MYOZ2: variants seen among roughly 807,000 people sequenced by gnomAD.
MYOZ2 encodes the protein myozenin-2.
In MYOZ2, 19 loss-of-function variants were observed where a neutral mutation model predicts 25.4. That is an observed-to-expected ratio of 0.75 (90% CI 0.52 to 1.10). The LOEUF (loss-of-function observed/expected upper bound fraction) is 1.10, where lower values mean the gene tolerates loss of function less well. Among genes scored for constraint, MYOZ2 ranks in the 50% least tolerant of loss-of-function variants. MYOZ2 has a pLI of 0.00. For synonymous variants in MYOZ2, 92 were observed against 106.9 expected (o/e 0.86, Z 0.86); for missense variants, 270 against 317.9 (o/e 0.85, Z 1.15).
intron 5 of MYOZ2, among the ~76,000 whole-genome samples, chr4:119,178,633 G>A (rs1292010164): frequency 6.6e-6 from 1 of 152,048 alleles, no homozygotes; most frequent in Non-Finnish European, 1.5e-5. Flanking sequence ...TTGAGTTGGA[G>A]TCTCGCTCTG....
rs9307469 is a variant in MYOZ2 at position 119,162,318 on chromosome 4, G to C, written c.377-1893G>C. Among the ~76,000 whole-genome samples the C allele has an allele frequency of 3.7e-3, 568 of 152,296 alleles. 6 individuals are homozygous for C. The highest frequency in any genetic ancestry group is 0.013 in the African/African-American group (547 of 41,568). On this transcript the variant is annotated intron_variant, in intron 4 of 5. Transcript: ENST00000307128. Reference sequence around the variant, plus strand: ...CTGGACGGGCTTAAGGGCCACATGGGTCATGCTGAGTGGTTGCGATTTTGT... The same window carrying C: ...CTGGACGGGCTTAAGGGCCACATGGCTCATGCTGAGTGGTTGCGATTTTGT...
intron 2 of MYOZ2, among the ~76,000 whole-genome samples, chr4:119,147,907 T>C (rs992416233): frequency 1.3e-5 from 2 of 152,198 alleles, no homozygotes; most frequent in African/African-American, 4.8e-5. Context: ...GGAAGCCTAT[T>C]GTATATAGCT....
At chr4:119,161,262 G>T (rs11733525) in intron 4 of MYOZ2, among the ~76,000 whole-genome samples, 54,936 of 151,894 alleles carry the variant, frequency 0.36, 10,724 homozygotes, top group Non-Finnish European at 0.45. Flanking sequence ...ATGGGGAGTT[G>T]GGGTATTATT....
At position 119,186,120 on chromosome 4, in the gene MYOZ2, T is replaced by G; in HGVS notation, c.715T>G (p.Trp239Gly). 1 of 1,614,044 alleles carries G rather than the reference T, an allele frequency of 6.2e-7. No homozygotes were observed. Among genetic ancestry groups the G allele is most frequent in the Non-Finnish European group, 8.5e-7 (1 of 1,179,958 alleles). The stretch of plus-strand genomic sequence containing the variant: ...GTCCTTTAATAGGACTCCTAAGGGA[T>G]GGATATCTGAGAATATTCCTATAGT... ...RRSFNRTPKG[W>G]ISENIPIVIT... The change falls in exon 6 of 6, where the codon TGG (tryptophan) becomes GGG (glycine). Residue 239 changes from tryptophan to glycine, a missense_variant. Coordinates refer to ENST00000307128, the MANE Select transcript of MYOZ2 (RefSeq NM_016599.5).
intron 2 of MYOZ2, among the ~76,000 whole-genome samples, chr4:119,137,064 A>T (rs755982822): frequency 1.1e-4 from 17 of 152,112 alleles, no homozygotes; most frequent in Non-Finnish European, 2.2e-4. Context: ...ATTGCTTATT[A>T]TTTAACTCCA....
chr4:119,183,936 T>A (rs1237054886), intron 5 of MYOZ2, among the ~76,000 whole-genome samples: 13 of 151,452 alleles, frequency 8.6e-5, no homozygotes, highest in Admixed American at 8.6e-4. Flanking sequence ...TGCCTCAGCC[T>A]CCTGAGTAGC....
chr4:119,144,369 A>T (rs1381315737), intron 2 of MYOZ2, among the ~76,000 whole-genome samples: 1 of 152,210 alleles, frequency 6.6e-6, no homozygotes, highest in Non-Finnish European at 1.5e-5. Context: ...ATTGAAGTAC[A>T]TCTGGGTTGT....
At chr4:119,160,273 T>C (rs1234885229) in intron 4 of MYOZ2, among the ~76,000 whole-genome samples, 1 of 152,064 alleles carries the variant, frequency 6.6e-6, no homozygotes, top group East Asian at 1.9e-4. Flanking sequence ...ACAGATACTA[T>C]CTGAGCTCCA....
chr4:119,172,224 C>T (rs1454526102), intron 5 of MYOZ2, among the ~76,000 whole-genome samples: 1 of 152,184 alleles, frequency 6.6e-6, no homozygotes, highest in African/African-American at 2.4e-5. Context: ...GTTCTCCTTG[C>T]CCCCTGCCTA....
intron 2 of MYOZ2, among the ~76,000 whole-genome samples, chr4:119,145,233 A>C (rs938670058): frequency 6.6e-6 from 1 of 151,754 alleles, no homozygotes; most frequent in South Asian, 2.1e-4. Flanking sequence ...AATTCTTTTC[A>C]TATATTGCTT....
At chr4:119,180,939 T>C (rs575397924) in intron 5 of MYOZ2, among the ~76,000 whole-genome samples, 1 of 152,204 alleles carries the variant, frequency 6.6e-6, no homozygotes, top group Non-Finnish European at 1.5e-5. Context: ...CCAAAAGTTA[T>C]CTGGAATATG....
At chr4:119,153,683 C>A (rs1741507223) in intron 3 of MYOZ2, among the ~76,000 whole-genome samples, 1 of 149,458 alleles carries the variant, frequency 6.7e-6, no homozygotes, top group African/African-American at 2.6e-5. Flanking sequence ...ATATAAACCA[C>A]CCCCCTGGTA....
intron 5 of MYOZ2, among the ~76,000 whole-genome samples, chr4:119,181,973 T>C (rs1742191292): frequency 6.6e-6 from 1 of 152,190 alleles, no homozygotes; most frequent in Admixed American, 6.5e-5. Context: ...TTTAGAAGTT[T>C]GATAGTAAAT....
chr4:119,156,415 T>G (rs1741577934), intron 3 of MYOZ2, among the ~76,000 whole-genome samples: 1 of 151,732 alleles, frequency 6.6e-6, no homozygotes, highest in African/African-American at 2.4e-5. Context: ...GGTAGGCAGG[T>G]CTCAGTGCAA....
intron 2 of MYOZ2, among the ~76,000 whole-genome samples, chr4:119,136,849 G>T (rs1250463856): frequency 6.6e-6 from 1 of 152,070 alleles, no homozygotes; most frequent in African/African-American, 2.4e-5. Context: ...GACAGCTGAT[G>T]TACATTCTGC....
Position 119,135,945 on chromosome 4 carries a change from G to A in MYOZ2, c.-52G>A, listed in dbSNP as rs893795583. 6.2e-6 allele frequency: 1 copy of A among 160,614 alleles called. No homozygotes were observed. The highest frequency in any genetic ancestry group is 1.4e-5 in the Non-Finnish European group (1 of 73,356). The allele number at this position is 160,614 out of a possible 1,614,324, so 9.9% of individuals were successfully genotyped here. On this transcript the variant is annotated 5_prime_UTR_variant, in exon 1 of 6. Coordinates refer to ENST00000307128, the MANE Select transcript of MYOZ2 (RefSeq NM_016599.5). ...TCCAGAGTCTTCCTCCACAAACTGG[G>A]ATTCATCCCCGCTGAAAAAGCACAA...
intron 4 of MYOZ2, among the ~76,000 whole-genome samples, chr4:119,162,412 A>G (rs972298071): frequency 1.3e-5 from 2 of 152,172 alleles, no homozygotes; most frequent in Non-Finnish European, 2.9e-5. Context: ...CTGGGGCAGC[A>G]GTGTGGAGGC....
At chr4:119,154,254 C>T (rs917040671) in intron 3 of MYOZ2, among the ~76,000 whole-genome samples, 1 of 152,074 alleles carries the variant, frequency 6.6e-6, no homozygotes, top group East Asian at 1.9e-4. Flanking sequence ...ATCTTCTATG[C>T]ATGTTTTTAA....
intron 5 of MYOZ2, among the ~76,000 whole-genome samples, chr4:119,165,143 A>G (rs1043898750): frequency 6.0e-5 from 9 of 150,898 alleles, no homozygotes; most frequent in African/African-American, 2.2e-4. Flanking sequence ...CCATTCATTT[A>G]AAAATGAATA....
Sources: gnomAD v4.1 joint callset for allele counts (sites outside exome capture counted in the v4.1 genomes callset) on GRCh38, gnomAD v4.1.1 for gene constraint, MANE v1.5 for transcripts, NCBI Gene and HGNC (gene_info 2026-07-23, HGNC 2026-07-21) for gene names.